The following ROBO3 variants were observed in gnomAD, a reference collection of about 807,000 sequenced individuals.
ROBO3 encodes the protein roundabout homolog 3.
Under a neutral mutation model 160.5 loss-of-function variants are expected in ROBO3, and 97 were observed. That is an observed-to-expected ratio of 0.60 (90% confidence interval 0.51 to 0.72). The LOEUF (loss-of-function observed/expected upper bound fraction) is 0.72. Among genes scored for constraint, ROBO3 ranks in the 30% least tolerant of loss-of-function variants. The pLI is 0.00. For missense variants in ROBO3, 1,858 were observed against 1,846.5 expected, an observed-to-expected ratio of 1.01 and a Z score of -0.11; for synonymous variants, 780 against 746.2, an observed-to-expected ratio of 1.05 and a Z score of -0.74.
rs374534561 is a variant in ROBO3, at chr11:124,877,988, C to T, written c.3038C>T (p.Pro1013Leu). 1.1e-5 allele frequency: 17 copies of T among 1,611,362 alleles called. No homozygotes were observed. The East Asian group carries it at 1.3e-4, about 13-fold the overall frequency. ...LAQTARGTAAPGEGPVYSTID... is the reference protein window; with the variant it reads ...LAQTARGTAALGEGPVYSTID... Reference sequence around the variant, plus strand: ...CAGACGGCCAGGGGCACGGCCGCCCCTGGCGAGGGTCCTGTCTATAGCACC... The same window carrying T: ...CAGACGGCCAGGGGCACGGCCGCCCTTGGCGAGGGTCCTGTCTATAGCACC... Residue 1013 changes from proline to leucine, a missense_variant, in exon 21 of 28, where the codon CCT (proline) becomes CTT (leucine). Coordinates refer to ENST00000397801, the MANE Select transcript of ROBO3 (RefSeq NM_022370.4).
At position 124,870,036 on chromosome 11, in the gene ROBO3, G is replaced by A. The variant is rs1946258987; in HGVS notation, c.734G>A (p.Arg245Gln). ...VCVASNMAGE[R>Q]ESAAAEVMVL... ...GTAGCCTCCAACATGGCGGGAGAACGGGAGAGTGCGGCAGCTGAAGTCATG... is the reference window on the plus strand; with the variant it reads ...GTAGCCTCCAACATGGCGGGAGAACAGGAGAGTGCGGCAGCTGAAGTCATG... Residue 245 changes from arginine (R) to glutamine (Q), a missense_variant, in exon 4 of 28, where the codon CGG becomes CAG. Arg to Gln is a conservative substitution (Grantham distance 43, BLOSUM62 1). Coordinates refer to ENST00000397801, the MANE Select transcript of ROBO3 (RefSeq NM_022370.4). 1.9e-6 allele frequency: 3 copies of A among 1,614,012 alleles called. No homozygotes were observed. The highest frequency in any genetic ancestry group is 1.7e-6 in the Non-Finnish European group (2 of 1,179,898).
rs1946248437 is a variant in ROBO3, at chr11:124,869,429, G to GA, written c.488-21_488-20insA. On this transcript the variant is annotated intron_variant, in intron 2 of 27. Transcript: ENST00000397801. This position sits in a 1 kb window ranked among gnomAD's most constrained non-coding sequence, Gnocchi z 4.2. ...TGTCACTCTACACCCTGCTTATTTC[G>GA]CCCCCCACCGCCCCGCCCAGTCCTC... 8 of 1,301,826 alleles carry GA rather than the reference G, an allele frequency of 6.1e-6. 1 individual carries two copies. The African/African-American group carries it at 1.0e-4, about 17-fold the overall frequency. 80.6% of individuals were successfully genotyped at this position (1,301,826 alleles called of 1,614,324 possible).
At position 124,868,835 on chromosome 11, in the gene ROBO3, G is replaced by T; in HGVS notation, c.194G>T (p.Arg65Leu). 1.2e-6 allele frequency: 2 copies of T among 1,609,834 alleles called. No homozygotes were observed. Among genetic ancestry groups the T allele is most frequent in the Non-Finnish European group, 1.7e-6 (2 of 1,178,628 alleles). The change falls in exon 2 of 28, where the codon CGC (arginine) becomes CTC (leucine). Residue 65 changes from arginine (R) to leucine (L), a missense_variant. By Grantham distance (102) the Arg-to-Leu change is moderately radical. Transcript: ENST00000397801. ...GTAGGACCGGAGGACGCTATGCCCC[G>T]CATCGTGGAGCAGCCGCCAGATCTG... ...SRVGPEDAMP[R>L]IVEQPPDLLV...
intron 20 of ROBO3, 109 bp from the exon 21 acceptor site, chr11:124,877,828 G>C: frequency 8.6e-7 from 1 of 1,162,210 alleles, no homozygotes; most frequent in Non-Finnish European, 1.2e-6. Flanking sequence ...AGGATGTAAG[G>C]CTTGTGTGGG....
At chr11:124,880,370 G>C (rs767466381) in intron 26 of ROBO3, 48 bp from the exon 27 acceptor site, 1 of 1,605,596 alleles carries the variant, frequency 6.2e-7, no homozygotes, top group South Asian at 1.1e-5. Context: ...TGACAGGGAA[G>C]TTCTGCTTCC....
Position 124,869,744 on chromosome 11 carries a change from A to C in ROBO3, c.645+137A>C. On this transcript the variant is annotated intron_variant, in intron 3 of 27. Transcript: ENST00000397801. This position sits in a 1 kb window ranked among gnomAD's most constrained non-coding sequence, Gnocchi z 4.2. ...AGCTATACAGTGAGGGATAAGGAAG[A>C]CGGAATTGGTATAAAAAAGGGGCGG... 7.9e-7 allele frequency: 1 copy of C among 1,264,536 alleles called. No homozygotes were observed. Among genetic ancestry groups the C allele is most frequent in the Non-Finnish European group, 1.1e-6 (1 of 921,718 alleles). The allele number at this position is 1,264,536 out of a possible 1,614,324, so 78.3% of individuals were successfully genotyped here.
At chr11:124,875,444 G>C in intron 14 of ROBO3, 108 bp downstream of exon 14, 1 of 1,580,418 alleles carries the variant, frequency 6.3e-7, no homozygotes, top group Non-Finnish European at 8.6e-7. Context: ...GAGTGGGTGG[G>C]AAGGAGGAAT....
chr11:124,875,508 G>A, intron 14 of ROBO3, 56 bp from the exon 15 acceptor site: 1 of 1,600,012 alleles, frequency 6.2e-7, no homozygotes, highest in Non-Finnish European at 8.5e-7. Flanking sequence ...TGGGGCAGGA[G>A]GGGCAGCTTG....
At position 124,879,938 on chromosome 11, in the gene ROBO3, C is replaced by G; in HGVS notation, c.3948C>G (p.Leu1316=). ...QAVPLAAQRV[L]HPDEEAWLPY... is the part of the protein sequence containing the mutation. ...TGCCCCTGGCAGCCCAGCGGGTGCT[C>G]CACCCAGATGGTAAGCAGGGCCAGG... is the stretch of plus-strand genomic sequence containing the variant. The change falls in exon 26 of 28, where the codon CTC becomes CTG. Residue 1316 remains leucine (L), a synonymous_variant. Coordinates refer to ENST00000397801, the MANE Select transcript of ROBO3 (RefSeq NM_022370.4). 6.3e-7 allele frequency: 1 copy of G among 1,582,530 alleles called. No homozygotes were observed.
In ROBO3 at chr11:124,879,883, G is replaced by T; in HGVS notation, c.3893G>T (p.Arg1298Leu). 7 of 1,612,106 alleles carry T rather than the reference G, an allele frequency of 4.3e-6. No individual in the cohort carries two copies. The highest frequency in any genetic ancestry group is 5.9e-6 in the Non-Finnish European group (7 of 1,179,348). ...AGCATGTCCTCCCTGGAGCGGGAGC[G>T]CAGTGGGGAGAGGAAAGCGGTCCAG... is the stretch of plus-strand genomic sequence containing the variant. ...AGSMSSLERERSGERKAVQAV... is the reference protein window; with the variant it reads ...AGSMSSLERELSGERKAVQAV... The change falls in exon 26 of 28, where the codon CGC becomes CTC. Residue 1298 changes from arginine (R) to leucine (L), a missense_variant. Transcript: ENST00000397801.
chr11:124,881,383 C>G lies in ROBO3; in HGVS notation c.*133C>G. ...CCACGATTTCAATTGGCTGAGAAGG[C>G]AGAGAGCTAGCTCCTCCCTTTCTTT... On this transcript the variant is annotated 3_prime_UTR_variant, in exon 28 of 28. Transcript: ENST00000397801. The G allele has an allele frequency of 1.2e-6, 1 of 843,040 alleles. No individual in the cohort carries two copies. The highest frequency in any genetic ancestry group is 1.9e-6 in the Non-Finnish European group (1 of 517,958). 52.2% of individuals were successfully genotyped at this position (843,040 alleles called of 1,614,324 possible). A position where few individuals can be genotyped will look rare whatever the true frequency, so the allele number is the denominator to read the frequency against.
In ROBO3 at chr11:124,878,062, C is replaced by G; in HGVS notation, c.3112C>G (p.Gln1038Glu). The G allele has an allele frequency of 6.2e-7, 1 of 1,612,628 alleles. No homozygotes were observed. The highest frequency in any genetic ancestry group is 8.5e-7 in the Non-Finnish European group (1 of 1,179,444). The change falls in exon 21 of 28, where the codon CAA (glutamine) becomes GAA (glutamate). Residue 1038 changes from glutamine to glutamate, a missense_variant. By Grantham distance (29) the Gln-to-Glu change is conservative. Coordinates refer to ENST00000397801, the MANE Select transcript of ROBO3 (RefSeq NM_022370.4). This position sits in a 1 kb window ranked among gnomAD's most constrained non-coding sequence, Gnocchi z 4.3. ...GCAGACCTTCCATGGGGGCTTCCCC[C>G]AACATCCCTCAGGAGATCTGGGTCC... ...ELQTFHGGFP[Q>E]HPSGDLGPWS...
At chr11:124,880,080 CCT>C (rs574033768) in intron 26 of ROBO3, 132 bp downstream of exon 26, 375 of 939,262 alleles carry the variant, frequency 4.0e-4, no homozygotes, top group Non-Finnish European at 5.5e-4. Flanking sequence ...ATCAAACTCC[CCT>C]GTCTCTCTAA....
In ROBO3 at chr11:124,878,059, C is replaced by G. The variant is rs1311723279; in HGVS notation, c.3109C>G (p.Pro1037Ala). The change falls in exon 21 of 28, where the codon CCC (proline) becomes GCC (alanine). Residue 1037 changes from proline (P) to alanine (A), a missense_variant. Physicochemically the swap from Pro to Ala is conservative, Grantham distance 27 (BLOSUM62 -1). Coordinates refer to ENST00000397801, the MANE Select transcript of ROBO3 (RefSeq NM_022370.4). This position sits in a 1 kb window ranked among gnomAD's most constrained non-coding sequence, Gnocchi z 4.3. ...EELQTFHGGF[P>A]QHPSGDLGPW... ...GCTGCAGACCTTCCATGGGGGCTTC[C>G]CCCAACATCCCTCAGGAGATCTGGG... 1 of 1,612,618 alleles carries G rather than the reference C, an allele frequency of 6.2e-7. No individual in the cohort carries two copies. The highest frequency in any genetic ancestry group is 8.5e-7 in the Non-Finnish European group (1 of 1,179,450).
Position 124,877,204 on chromosome 11 carries a change from G to T in ROBO3, c.2803+20G>T. 6.2e-7 allele frequency: 1 copy of T among 1,613,934 alleles called. No individual in the cohort carries two copies. Among genetic ancestry groups the T allele is most frequent in the East Asian group, 2.2e-5 (1 of 44,874 alleles). On this transcript the variant is annotated intron_variant, in intron 18 of 27. Coordinates refer to ENST00000397801, the MANE Select transcript of ROBO3 (RefSeq NM_022370.4). ...CGGCAGGTAAGCCATCTCTGCCCCA[G>T]TGGGGTTCAGACCCCCCGGGACGGG...
At chr11:124,875,059 C>A (rs1042649967) in intron 13 of ROBO3, 52 bp from the exon 14 acceptor site, 276 of 1,525,704 alleles carry the variant, frequency 1.8e-4, no homozygotes, top group Non-Finnish European at 2.2e-4. Context: ...GCCTGGAGGG[C>A]CTGTATGGCC....
At position 124,878,827 on chromosome 11, in the gene ROBO3, C is replaced by A; in HGVS notation, c.3533+31C>A. The A allele has an allele frequency of 6.5e-7, 1 of 1,543,836 alleles. No individual in the cohort carries two copies. The highest frequency in any genetic ancestry group is 8.9e-7 in the Non-Finnish European group (1 of 1,123,390). Reference sequence around the variant, plus strand: ...GAGGTATATAGTACCTCACTCATTGCAAGCCCTCTATACGTATCTACTCAG... The same window carrying A: ...GAGGTATATAGTACCTCACTCATTGAAAGCCCTCTATACGTATCTACTCAG... On this transcript the variant is annotated intron_variant, in intron 23 of 27. Coordinates refer to ENST00000397801, the MANE Select transcript of ROBO3 (RefSeq NM_022370.4). The surrounding 1 kb of genome is among the most constrained non-coding windows in gnomAD (Gnocchi z 4.3).
chr11:124,873,560 A>G lies in ROBO3; in HGVS notation c.1619-137A>G. 1.0e-6 allele frequency: 1 copy of G among 975,322 alleles called. No homozygotes were observed. The highest frequency in any genetic ancestry group is 2.2e-5 in the Admixed American group (1 of 45,522). 60.4% of individuals were successfully genotyped at this position (975,322 alleles called of 1,614,324 possible). On this transcript the variant is annotated intron_variant, in intron 10 of 27. Coordinates refer to ENST00000397801, the MANE Select transcript of ROBO3 (RefSeq NM_022370.4). The surrounding 1 kb of genome is among the most constrained non-coding windows in gnomAD (Gnocchi z 4.5). ...GTGGTACCCATGGGAGGCAGATGTG[A>G]GTAGGGGTTCATATACTATAGCCCA... is the stretch of plus-strand genomic sequence containing the variant.
chr11:124,879,585 G>GA lies in ROBO3; in HGVS notation c.3796+11dup. The GA allele has an allele frequency of 6.2e-7, 1 of 1,605,490 alleles. No homozygotes were observed. The highest frequency in any genetic ancestry group is 8.5e-7 in the Non-Finnish European group (1 of 1,173,310). On this transcript the variant is annotated intron_variant, in intron 25 of 27. Coordinates refer to ENST00000397801, the MANE Select transcript of ROBO3 (RefSeq NM_022370.4). The stretch of plus-strand genomic sequence containing the variant: ...GAGAACAGTCCTGGGGGTGAGGGGG[G>GA]ATGCACCTGGGAGATGGTGACAGTA...
Sources: allele counts gnomAD v4.1 joint callset, GRCh38; gene constraint gnomAD v4.1.1; non-coding constraint Gnocchi (gnomAD v3.1); transcripts MANE v1.5; gene names NCBI Gene and HGNC (gene_info 2026-07-23, HGNC 2026-07-21).